Variants in LRFN2 observed in about 807,000 individuals in gnomAD.
The protein encoded by LRFN2 is leucine rich repeat and fibronectin type III domain containing 2.
LRFN2 carries 18 observed loss-of-function variants against 37.3 expected under a neutral mutation model. The observed-to-expected ratio is 0.48, with a 90% confidence interval of 0.33 to 0.72. The LOEUF is 0.72. Among genes scored for constraint, LRFN2 ranks in the 30% least tolerant of loss-of-function variants. The pLI, the probability that LRFN2 is intolerant of heterozygous loss-of-function variation, is 0.02. For synonymous variants in LRFN2, 556 were observed against 466.6 expected (o/e 1.19, Z -2.47); for missense variants, 1,006 against 1,060.7 (o/e 0.95, Z 0.72).
chr6:40,416,520 C>CT (rs1763096076), intron 2 of LRFN2, among the ~76,000 whole-genome samples: 1 of 152,160 alleles, frequency 6.6e-6, no homozygotes, highest in African/African-American at 2.4e-5. Flanking sequence ...TTACACTGGA[C>CT]TTTTTTTGGT....
chr6:40,513,126 T>C (rs1371417263), intron 1 of LRFN2, among the ~76,000 whole-genome samples: 1 of 152,126 alleles, frequency 6.6e-6, no homozygotes, highest in Non-Finnish European at 1.5e-5. Flanking sequence ...GGAGGCAGGG[T>C]GTGGCAGCTA....
chr6:40,581,486 G>C (rs1767401579), intron 1 of LRFN2, among the ~76,000 whole-genome samples: 1 of 152,170 alleles, frequency 6.6e-6, no homozygotes, highest in Non-Finnish European at 1.5e-5. Context: ...AGTGCCTTGT[G>C]CTATAGGAGG....
chr6:40,432,683 A>G lies in LRFN2; in HGVS notation c.431T>C (p.Phe144Ser). ...CTCCAATGTCAGCAGGAAGTCCTCA[A>G]AAGCCTCATCTGCGATGCCGCCCAG... Reference protein sequence around the residue: ...NQLGGIADEAFEDFLLTLEDL... With the variant: ...NQLGGIADEASEDFLLTLEDL... The change falls in exon 2 of 3, where the codon TTT becomes TCT. Residue 144 changes from phenylalanine to serine, a missense_variant. Phe to Ser is a radical substitution (Grantham distance 155). Coordinates refer to ENST00000338305, the MANE Select transcript of LRFN2 (RefSeq NM_020737.3). 6.2e-7 allele frequency: 1 copy of G among 1,614,188 alleles called. No homozygotes were observed. The highest frequency in any genetic ancestry group is 8.5e-7 in the Non-Finnish European group (1 of 1,180,034).
rs745394296 is a variant in LRFN2, at chr6:40,431,704, G to A, written c.1400+10C>T. 31 of 1,501,454 alleles carry A rather than the reference G, an allele frequency of 2.1e-5. No homozygotes were observed. The highest frequency in any genetic ancestry group is 9.8e-5 in the African/African-American group (7 of 71,364). The allele number at this position is 1,501,454 out of a possible 1,614,324, so 93.0% of individuals were successfully genotyped here. On this transcript the variant is annotated intron_variant, in intron 2 of 2. Coordinates refer to ENST00000338305, the MANE Select transcript of LRFN2 (RefSeq NM_020737.3). Reference sequence around the variant, plus strand: ...CACCCTCCCTGCCTTTGCCACAGCCGCTTGCTCACCTGTAAATCAGTACCT... The same window carrying A: ...CACCCTCCCTGCCTTTGCCACAGCCACTTGCTCACCTGTAAATCAGTACCT...
At chr6:40,435,040 T>TATATA (rs1561854237) in intron 1 of LRFN2, among the ~76,000 whole-genome samples, 3 of 93,714 alleles carry the variant, frequency 3.2e-5, no homozygotes. Flanking sequence ...TATATATATA[T>TATATA]ATATATATAT....
intron 1 of LRFN2, among the ~76,000 whole-genome samples, chr6:40,472,235 T>C (rs7740746): frequency 0.015 from 2,273 of 152,286 alleles, 55 homozygotes; most frequent in African/African-American, 0.05. Flanking sequence ...TTTGGCTTCC[T>C]CCCCAGAGCT....
rs140433380 is a variant in LRFN2, at chr6:40,433,162, G to A, written c.-18-31C>T. 7.5e-5 allele frequency: 113 copies of A among 1,502,896 alleles called. 1 individual carries two copies. The East Asian group carries it at 2.6e-3, about 34-fold the overall frequency. The allele number at this position is 1,502,896 out of a possible 1,614,324, so 93.1% of individuals were successfully genotyped here. ...AGGGAGAAACACAAGCTCAGGGTCAGGAGGCAAATTCCTAATGCACTCACC... is the reference window on the plus strand; with the variant it reads ...AGGGAGAAACACAAGCTCAGGGTCAAGAGGCAAATTCCTAATGCACTCACC... On this transcript the variant is annotated intron_variant, in intron 1 of 2. Transcript: ENST00000338305.
At chr6:40,530,451 ACAG>A (rs1164849571) in intron 1 of LRFN2, among the ~76,000 whole-genome samples, 2 of 152,198 alleles carry the variant, frequency 1.3e-5, no homozygotes, top group Non-Finnish European at 2.9e-5. Flanking sequence ...GAAAGCCATA[ACAG>A]CAGCAGTGGT....
At chr6:40,499,391 T>G (rs1327811625) in intron 1 of LRFN2, among the ~76,000 whole-genome samples, 1 of 152,054 alleles carries the variant, frequency 6.6e-6, no homozygotes, top group Non-Finnish European at 1.5e-5. Context: ...TCCAGACATT[T>G]TTTTTTTTAA....
chr6:40,582,177 T>C (rs545098180), intron 1 of LRFN2, among the ~76,000 whole-genome samples: 116 of 152,058 alleles, frequency 7.6e-4, no homozygotes, highest in African/African-American at 2.4e-3. Context: ...AAGGGATGTG[T>C]TGAGGGGAGA....
At chr6:40,520,839 G>T (rs1449167826) in intron 1 of LRFN2, among the ~76,000 whole-genome samples, 6 of 152,112 alleles carry the variant, frequency 3.9e-5, no homozygotes, top group African/African-American at 1.4e-4. Context: ...TGGGGAGGCT[G>T]CCAACCCCAT....
intron 2 of LRFN2, among the ~76,000 whole-genome samples, chr6:40,425,577 T>A (rs1197929860): frequency 6.6e-6 from 1 of 152,202 alleles, no homozygotes; most frequent in African/African-American, 2.4e-5. Flanking sequence ...CTACCCCTCA[T>A]TGACTTCTCT....
chr6:40,561,588 G>A (rs1561908523), intron 1 of LRFN2, among the ~76,000 whole-genome samples: 1 of 152,208 alleles, frequency 6.6e-6, no homozygotes, highest in South Asian at 2.1e-4. Flanking sequence ...GTACTAGGGA[G>A]CAAAGAGATT....
rs184981990 is a variant in LRFN2, at chr6:40,473,630, A to G, written c.-18-40499T>C. 2.7e-4 allele frequency among the ~76,000 whole-genome samples: 41 copies of G among 152,302 alleles called. No homozygotes were observed. The East Asian group carries it at 7.5e-3, about 28-fold the overall frequency. ...TGTGCAGAACGTGCAGGTTTGTTAC[A>G]TAGGTATACATGTGCCATGGTGGTT... On this transcript the variant is annotated intron_variant, in intron 1 of 2. Transcript: ENST00000338305.
chr6:40,478,308 A>C (rs1304101775), intron 1 of LRFN2, among the ~76,000 whole-genome samples: 1 of 152,216 alleles, frequency 6.6e-6, no homozygotes, highest in African/African-American at 2.4e-5. Flanking sequence ...ACAAATTACA[A>C]ATAGACAAAA....
intron 1 of LRFN2, among the ~76,000 whole-genome samples, chr6:40,442,537 T>C (rs546828717): frequency 1.3e-5 from 2 of 151,660 alleles, no homozygotes; most frequent in South Asian, 4.2e-4. Flanking sequence ...CCTCTGAGGG[T>C]GGAGCTGGGG....
rs188970017 is a variant in LRFN2, at chr6:40,418,332, C to T, written c.1400+13382G>A. ...AACTGTAGCCCTCTGGTCTCGGTCTCGTTACACTGCTTATTTTTCTTCCTC... is the reference window on the plus strand; with the variant it reads ...AACTGTAGCCCTCTGGTCTCGGTCTTGTTACACTGCTTATTTTTCTTCCTC... On this transcript the variant is annotated intron_variant, in intron 2 of 2. Transcript: ENST00000338305. Among the ~76,000 whole-genome samples, 43 of 152,274 alleles carry T rather than the reference C, an allele frequency of 2.8e-4. 1 individual carries two copies. In the East Asian group the frequency reaches 7.5e-3, roughly 27 times the overall value.
At chr6:40,519,722 A>C (rs1765995304) in intron 1 of LRFN2, among the ~76,000 whole-genome samples, 1 of 152,248 alleles carries the variant, frequency 6.6e-6, no homozygotes, top group Non-Finnish European at 1.5e-5. Flanking sequence ...GTGCTGACGA[A>C]TACAACAGGG....
At chr6:40,561,190 G>A (rs937811371) in intron 1 of LRFN2, among the ~76,000 whole-genome samples, 1 of 152,166 alleles carries the variant, frequency 6.6e-6, no homozygotes, top group Non-Finnish European at 1.5e-5. Context: ...CAAGATTCTC[G>A]ATGTTCTGTG....
Sources: allele counts gnomAD v4.1 joint callset (sites outside exome capture counted in the v4.1 genomes callset), GRCh38; gene constraint gnomAD v4.1.1; transcripts MANE v1.5; gene names NCBI Gene and HGNC (gene_info 2026-07-23, HGNC 2026-07-21).